Variants in TAOK3 observed in about 807,000 individuals in gnomAD.
The protein encoded by TAOK3 is TAO kinase 3, also known as serine/threonine-protein kinase TAO3.
TAOK3 carries 40 observed loss-of-function variants against 120.4 expected under a neutral mutation model. That is an observed-to-expected ratio of 0.33 (90% CI 0.26 to 0.43). The LOEUF is 0.43. Among genes scored for constraint, TAOK3 ranks in the 20% least tolerant of loss-of-function variants. The pLI is 1.00. For synonymous variants in TAOK3, 355 were observed against 387.5 expected (o/e 0.92, Z 0.99); for missense variants, 821 against 1,112.1 (o/e 0.74, Z 3.72).
intron 17 of TAOK3, among the ~76,000 whole-genome samples, chr12:118,168,993 CTTCCTTCCTTTCT>C (rs1267717468): frequency 8.7e-5 from 11 of 126,908 alleles, no homozygotes; most frequent in Non-Finnish European, 1.6e-4. Flanking sequence ...TCCTTCCTTC[CTTCCTTCCTTTCT>C]TTCTTTCTTT....
At chr12:118,272,076 G>A (rs2041722455) in intron 1 of TAOK3, among the ~76,000 whole-genome samples, 1 of 152,160 alleles carries the variant, frequency 6.6e-6, no homozygotes, top group African/African-American at 2.4e-5. Flanking sequence ...TTTATTCTAA[G>A]AAATGGAAAC....
intron 2 of TAOK3, among the ~76,000 whole-genome samples, chr12:118,260,277 A>T (rs1295031457): frequency 6.6e-6 from 1 of 152,130 alleles, no homozygotes. Flanking sequence ...TACAGGCATG[A>T]CCAACTGTGC....
chr12:118,171,632 C>T (rs1363962450), intron 17 of TAOK3, among the ~76,000 whole-genome samples: 1 of 152,176 alleles, frequency 6.6e-6, no homozygotes, highest in Non-Finnish European at 1.5e-5. Flanking sequence ...GCTGGGATTA[C>T]AGGCATGAGC....
intron 1 of TAOK3, among the ~76,000 whole-genome samples, chr12:118,366,641 G>A (rs866402370): frequency 6.6e-6 from 1 of 152,136 alleles, no homozygotes; most frequent in South Asian, 2.1e-4. Context: ...TACAATGTGA[G>A]GTTGATTTCA....
At chr12:118,360,006 C>G (rs953735215) in intron 1 of TAOK3, among the ~76,000 whole-genome samples, 2 of 152,210 alleles carry the variant, frequency 1.3e-5, no homozygotes, top group Non-Finnish European at 2.9e-5. Context: ...TGGCTCACAC[C>G]TGTAATCCCA....
chr12:118,235,496 A>C, intron 8 of TAOK3, 62 bp downstream of exon 8: 1 of 1,312,296 alleles, frequency 7.6e-7, no homozygotes, highest in Non-Finnish European at 1.1e-6. Context: ...CCAAACCAGC[A>C]CCATAGTTGA....
intron 12 of TAOK3, 125 bp downstream of exon 12, chr12:118,201,171 C>G: frequency 1.1e-6 from 1 of 903,166 alleles, no homozygotes; most frequent in Non-Finnish European, 1.7e-6. Flanking sequence ...TACAACCCTT[C>G]ATGTTTCTTA....
intron 9 of TAOK3, among the ~76,000 whole-genome samples, chr12:118,231,613 C>T (rs2039785579): frequency 6.6e-6 from 1 of 152,074 alleles, no homozygotes; most frequent in Non-Finnish European, 1.5e-5. Flanking sequence ...AAATTAATAT[C>T]TTAAAAAATT....
At chr12:118,310,902 A>G (rs970902035) in intron 1 of TAOK3, among the ~76,000 whole-genome samples, 7 of 152,170 alleles carry the variant, frequency 4.6e-5, no homozygotes, top group Non-Finnish European at 1.0e-4. Flanking sequence ...CACATTCATA[A>G]GACATTTTGC....
chr12:118,339,791 C>T (rs1162854015), intron 1 of TAOK3, among the ~76,000 whole-genome samples: 2 of 152,066 alleles, frequency 1.3e-5, no homozygotes, highest in Non-Finnish European at 2.9e-5. Flanking sequence ...GCCTCGGCTT[C>T]CCAAAGCGCT....
chr12:118,343,464 G>A (rs2044717958), intron 1 of TAOK3, among the ~76,000 whole-genome samples: 1 of 151,162 alleles, frequency 6.6e-6, no homozygotes, highest in Non-Finnish European at 1.5e-5. Flanking sequence ...GAGTCTCAGT[G>A]CACTCTATGT....
chr12:118,270,853 A>G (rs1330442251), intron 1 of TAOK3, among the ~76,000 whole-genome samples: 3 of 151,030 alleles, frequency 2.0e-5, no homozygotes, highest in African/African-American at 7.3e-5. Context: ...TTTTTTTTGT[A>G]TTTTTAGTAG....
chr12:118,366,994 G>A (rs2045757460), intron 1 of TAOK3, among the ~76,000 whole-genome samples: 1 of 152,186 alleles, frequency 6.6e-6, no homozygotes, highest in African/African-American at 2.4e-5. Flanking sequence ...AGAGGTGGAG[G>A]TTGCAGTAAG....
In TAOK3 at chr12:118,172,576, C is replaced by T. The variant is rs763560909; in HGVS notation, c.1780G>A (p.Ala594Thr). Residue 594 changes from alanine (A) to threonine (T), a missense_variant, in exon 17 of 21, where the codon GCT (alanine) becomes ACT (threonine). Ala to Thr is a moderately conservative substitution (Grantham distance 58, BLOSUM62 0). This residue lies in a region of TAOK3 where 354 missense variants were observed against 572.1 expected (regional missense o/e 0.62). Transcript: ENST00000392533. Reference protein sequence around the residue: ...KHKENLQHTQAEEEAHLLTQQ... With the variant: ...KHKENLQHTQTEEEAHLLTQQ... ...GTGAGAAGGTGGGCTTCCTCTTCAG[C>T]CTGTGTGTGCTGCAAGTTCTCTTTA... 1.9e-6 allele frequency: 3 copies of T among 1,614,182 alleles called. No individual in the cohort carries two copies. Among genetic ancestry groups the T allele is most frequent in the South Asian group, 1.1e-5 (1 of 91,088 alleles).
intron 11 of TAOK3, among the ~76,000 whole-genome samples, chr12:118,211,504 TG>T (rs1163233369): frequency 3.3e-5 from 5 of 152,186 alleles, no homozygotes; most frequent in Admixed American, 6.5e-5. Flanking sequence ...TAAACTGTTA[TG>T]TTTTTTCTCT....
chr12:118,319,803 G>A (rs527323972), intron 1 of TAOK3, among the ~76,000 whole-genome samples: 2 of 152,178 alleles, frequency 1.3e-5, no homozygotes, highest in Admixed American at 1.3e-4. Flanking sequence ...TCCTCAAAAA[G>A]TTATACATAG....
chr12:118,369,913 T>C (rs929103588), intron 1 of TAOK3, among the ~76,000 whole-genome samples: 1 of 152,134 alleles, frequency 6.6e-6, no homozygotes, highest in Non-Finnish European at 1.5e-5. Context: ...TCCTGCTCTG[T>C]CGCCAGGCTG....
chr12:118,261,192 C>T (rs962090778), intron 2 of TAOK3, among the ~76,000 whole-genome samples: 1 of 152,200 alleles, frequency 6.6e-6, no homozygotes, highest in African/African-American at 2.4e-5. Context: ...GGAACATCTT[C>T]ACGTGGCCTA....
intron 1 of TAOK3, among the ~76,000 whole-genome samples, chr12:118,295,825 A>T (rs1440122964): frequency 6.6e-6 from 1 of 152,242 alleles, no homozygotes; most frequent in Non-Finnish European, 1.5e-5. Context: ...AAATGATTTA[A>T]AATTTCAAAA....
Sources: allele counts gnomAD v4.1 joint callset (sites outside exome capture counted in the v4.1 genomes callset), GRCh38; gene constraint gnomAD v4.1.1; regional missense constraint gnomAD v4.1.1; transcripts MANE v1.5; gene names NCBI Gene and HGNC (gene_info 2026-07-23, HGNC 2026-07-21).